The following PDE7B variants were observed in gnomAD, a reference collection of about 807,000 sequenced individuals.
The protein encoded by PDE7B is phosphodiesterase 7B, also known as 3',5'-cyclic-AMP phosphodiesterase 7B.
A neutral mutation model predicts 56.2 loss-of-function variants in PDE7B; 29 were observed. That is an observed-to-expected ratio of 0.52 (90% confidence interval 0.38 to 0.70). The LOEUF (loss-of-function observed/expected upper bound fraction) is 0.70. Among genes scored for constraint, PDE7B ranks in the 30% least tolerant of loss-of-function variants. The pLI, the probability that PDE7B is intolerant of heterozygous loss-of-function variation, is 0.00. For synonymous variants in PDE7B, 197 were observed against 196.9 expected (o/e 1.00, Z 0.00); for missense variants, 490 against 565.0 (o/e 0.87, Z 1.35).
At chr6:136,147,302 T>C in intron 3 of PDE7B, 49 bp from the exon 4 acceptor site, 4 of 1,287,546 alleles carry the variant, frequency 3.1e-6, no homozygotes, top group Non-Finnish European at 4.3e-6. Flanking sequence ...TGGAGAAAAT[T>C]GGCTCTCTTT....
intron 3 of PDE7B, among the ~76,000 whole-genome samples, chr6:136,138,738 T>C (rs1417343059): frequency 6.6e-6 from 1 of 152,118 alleles, no homozygotes; most frequent in Non-Finnish European, 1.5e-5. Flanking sequence ...TTAGAAAATA[T>C]TGGCCACCAG....
chr6:135,926,234 C>T (rs1317126915), intron 1 of PDE7B, among the ~76,000 whole-genome samples: 1 of 151,816 alleles, frequency 6.6e-6, no homozygotes, highest in Non-Finnish European at 1.5e-5. Flanking sequence ...CTACAGGCAC[C>T]CGCCACCACG....
At chr6:136,021,704 T>C (rs1360403002) in intron 2 of PDE7B, among the ~76,000 whole-genome samples, 1 of 152,148 alleles carries the variant, frequency 6.6e-6, no homozygotes, top group Non-Finnish European at 1.5e-5. Flanking sequence ...GCTACCACCC[T>C]AGCCAATACA....
chr6:135,972,470 T>A lies in PDE7B; in HGVS notation c.82+24946T>A, dbSNP rs569542441. ...GAACAGAAGATTGTGGTAGCATAAA[T>A]CATAAGTCATCTAATCTCATTTAGG... On this transcript the variant is annotated intron_variant, in intron 2 of 12. Transcript: ENST00000308191. Among the ~76,000 whole-genome samples, 6 of 152,192 alleles carry A rather than the reference T, an allele frequency of 3.9e-5. No homozygotes were observed. In the South Asian group the frequency reaches 1.2e-3, roughly 32 times the overall value.
At chr6:135,858,444 C>A (rs1175567122) in intron 1 of PDE7B, among the ~76,000 whole-genome samples, 1 of 152,164 alleles carries the variant, frequency 6.6e-6, no homozygotes, top group Non-Finnish European at 1.5e-5. Flanking sequence ...TAAGCCACCA[C>A]GTCCAGCCTG....
chr6:135,976,368 C>A (rs1434807354), intron 2 of PDE7B, among the ~76,000 whole-genome samples: 3 of 152,110 alleles, frequency 2.0e-5, no homozygotes, highest in Non-Finnish European at 4.4e-5. Flanking sequence ...CCCATAAAGG[C>A]CCTCAAGGGT....
At chr6:135,945,153 C>T (rs1774574255) in intron 1 of PDE7B, among the ~76,000 whole-genome samples, 2 of 152,246 alleles carry the variant, frequency 1.3e-5, no homozygotes, top group Middle Eastern at 6.8e-3. Flanking sequence ...TAATGTCTTC[C>T]AAAACAACGA....
intron 2 of PDE7B, among the ~76,000 whole-genome samples, chr6:135,951,105 A>T (rs1450999885): frequency 6.6e-6 from 1 of 152,180 alleles, no homozygotes; most frequent in Non-Finnish European, 1.5e-5. Context: ...GAGAGAGCAA[A>T]TGTGGATGAT....
chr6:135,966,511 T>C (rs1774999902), intron 2 of PDE7B, among the ~76,000 whole-genome samples: 1 of 152,174 alleles, frequency 6.6e-6, no homozygotes, highest in Admixed American at 6.6e-5. Context: ...TCTCAGAAAG[T>C]TGTCTACTGA....
chr6:136,149,774 C>G (rs117234061), intron 5 of PDE7B, among the ~76,000 whole-genome samples: 2,660 of 152,236 alleles, frequency 0.017, 25 homozygotes, highest in Non-Finnish European at 0.027. Context: ...TGCTGATGAG[C>G]TTTGAGAGCC....
At chr6:135,947,394 A>G in intron 1 of PDE7B, 70 bp from the exon 2 acceptor site, 16 of 1,154,358 alleles carry the variant, frequency 1.4e-5, no homozygotes, top group Non-Finnish European at 2.1e-5. Flanking sequence ...ATGTCAGGTC[A>G]CATGGATATA....
chr6:135,946,656 C>T (rs77860483), intron 1 of PDE7B, among the ~76,000 whole-genome samples: 4,406 of 152,084 alleles, frequency 0.029, 212 homozygotes, highest in African/African-American at 0.099. Context: ...ATCACAGCTA[C>T]GGTTAAATAT....
At chr6:136,010,389 C>CTTTTTTTTTTTTT (rs1327188298) in intron 2 of PDE7B, among the ~76,000 whole-genome samples, 2 of 98,828 alleles carry the variant, frequency 2.0e-5, no homozygotes, top group Non-Finnish European at 2.2e-5. Context: ...TTATTCCCTT[C>CTTTTTTTTTTTTT]TTTTTTTTTT....
chr6:136,056,665 G>A (rs942222552), intron 2 of PDE7B, among the ~76,000 whole-genome samples: 3 of 151,444 alleles, frequency 2.0e-5, no homozygotes, highest in African/African-American at 7.3e-5. Flanking sequence ...CCAAATAGCT[G>A]GGATTACAGG....
chr6:135,853,419 TTG>T (rs1425758222), intron 1 of PDE7B, among the ~76,000 whole-genome samples: 123 of 152,336 alleles, frequency 8.1e-4, no homozygotes, highest in African/African-American at 2.7e-3. Context: ...AACAAGGACT[TTG>T]TGTGTTGCAA....
At position 135,906,679 on chromosome 6, in the gene PDE7B, T is replaced by C. The variant is rs373147721; in HGVS notation, c.22-40785T>C. ...GAAGTTCTGGATTATATATAAATTCTCTGCAAGCACTTGCTTGACTAAATG... is the reference window on the plus strand; with the variant it reads ...GAAGTTCTGGATTATATATAAATTCCCTGCAAGCACTTGCTTGACTAAATG... On this transcript the variant is annotated intron_variant, in intron 1 of 12. Transcript: ENST00000308191. Among the ~76,000 whole-genome samples the C allele has an allele frequency of 8.5e-5, 13 of 152,290 alleles. 1 individual carries two copies. Among genetic ancestry groups the C allele is most frequent in the Admixed American group, 4.6e-4 (7 of 15,296 alleles).
chr6:135,908,213 T>C (rs9321544), intron 1 of PDE7B, among the ~76,000 whole-genome samples: 109,470 of 151,520 alleles, frequency 0.72, 39,826 homozygotes, highest in East Asian at 0.85. Flanking sequence ...CTCAACCTCC[T>C]GAGCTGCTGG....
At chr6:135,879,681 C>T (rs1239973058) in intron 1 of PDE7B, among the ~76,000 whole-genome samples, 1 of 152,102 alleles carries the variant, frequency 6.6e-6, no homozygotes, top group Non-Finnish European at 1.5e-5. Flanking sequence ...TAAGGAAATA[C>T]AGTTGGAGAG....
At chr6:136,101,675 C>T (rs1404435391) in intron 2 of PDE7B, among the ~76,000 whole-genome samples, 1 of 152,188 alleles carries the variant, frequency 6.6e-6, no homozygotes, top group African/African-American at 2.4e-5. Flanking sequence ...AGGATCCCCT[C>T]AGCCTGCCCA....
Sources: gnomAD v4.1 joint callset for allele counts (sites outside exome capture counted in the v4.1 genomes callset) on GRCh38, gnomAD v4.1.1 for gene constraint, MANE v1.5 for transcripts, NCBI Gene and HGNC (gene_info 2026-07-23, HGNC 2026-07-21) for gene names.